Variants in SPOCK1 observed in about 807,000 individuals in gnomAD.
The protein encoded by SPOCK1 is testican-1.
SPOCK1 carries 23 observed loss-of-function variants against 55.3 expected under a neutral mutation model. The ratio of observed to expected loss-of-function variants is 0.42; its 90% CI spans 0.30 to 0.59. SPOCK1 has a LOEUF of 0.59. Ranked by LOEUF, SPOCK1 falls within the 20% of genes least tolerant of loss-of-function variation. SPOCK1 has a pLI of 0.22. For missense variants in SPOCK1, 499 were observed against 552.5 expected (o/e 0.90, Z 0.97); for synonymous variants, 226 against 221.0 (o/e 1.02, Z -0.20).
intron 2 of SPOCK1, among the ~76,000 whole-genome samples, chr5:137,351,208 C>A (rs1422579191): frequency 6.6e-6 from 1 of 152,176 alleles, no homozygotes; most frequent in Non-Finnish European, 1.5e-5. Context: ...TGCACTGGAT[C>A]CCCACCTCCC....
chr5:137,040,856 T>G (rs963407478), intron 6 of SPOCK1, among the ~76,000 whole-genome samples: 1 of 152,200 alleles, frequency 6.6e-6, no homozygotes, highest in Admixed American at 6.5e-5. Flanking sequence ...AACCATCTGC[T>G]GAACTCACTG....
intron 2 of SPOCK1, among the ~76,000 whole-genome samples, chr5:137,388,401 G>T (rs998830894): frequency 6.6e-6 from 1 of 151,996 alleles, no homozygotes; most frequent in African/African-American, 2.4e-5. Context: ...GGTATGTGGC[G>T]GGAGGGAGGG....
chr5:137,379,984 A>G (rs930057587), intron 2 of SPOCK1, among the ~76,000 whole-genome samples: 4 of 152,168 alleles, frequency 2.6e-5, no homozygotes, highest in Non-Finnish European at 5.9e-5. Flanking sequence ...CTTAGTGAGT[A>G]AGAATTAGAA....
At chr5:137,253,720 T>C (rs1354732204) in intron 3 of SPOCK1, among the ~76,000 whole-genome samples, 1 of 152,238 alleles carries the variant, frequency 6.6e-6, no homozygotes, top group African/African-American at 2.4e-5. Flanking sequence ...AATGCCATAC[T>C]TGGATTGAGC....
rs556399327 is a variant in SPOCK1 at position 137,123,161 on chromosome 5, C to T, written c.348-10600G>A. 1.2e-4 allele frequency among the ~76,000 whole-genome samples: 19 copies of T among 152,212 alleles called. 2 individuals carry two copies. The highest frequency in any genetic ancestry group is 1.1e-3 in the Admixed American group (17 of 15,282). On this transcript the variant is annotated intron_variant, in intron 4 of 10. Coordinates refer to ENST00000394945, the MANE Select transcript of SPOCK1 (RefSeq NM_004598.4). ...CAGCCAGATCCGCACCATTACTTAT[C>T]CCCTGCTCAAGAAGTTTCTTCACAG... is the stretch of plus-strand genomic sequence containing the variant.
rs1036891359 is a variant in SPOCK1, at chr5:137,050,614, G to A, written c.589+17101C>T. ...ATCACCCGTCTTCTGCGTCGCTCAC[G>A]CTGGGAGCTGTAGACCGGAGCTGTT... On this transcript the variant is annotated intron_variant, in intron 6 of 10. Coordinates refer to ENST00000394945, the MANE Select transcript of SPOCK1 (RefSeq NM_004598.4). 2.6e-5 allele frequency among the ~76,000 whole-genome samples: 4 copies of A among 152,054 alleles called. 1 individual carries two copies. The highest frequency in any genetic ancestry group is 5.9e-5 in the Non-Finnish European group (4 of 68,012).
At chr5:137,160,624 T>TA (rs1561631839) in intron 3 of SPOCK1, among the ~76,000 whole-genome samples, 2 of 69,340 alleles carry the variant, frequency 2.9e-5, no homozygotes, top group African/African-American at 1.3e-4. Context: ...AATATATATT[T>TA]TATATAATAT....
intron 2 of SPOCK1, among the ~76,000 whole-genome samples, chr5:137,280,886 C>A (rs1405899111): frequency 6.6e-6 from 1 of 152,182 alleles, no homozygotes; most frequent in Non-Finnish European, 1.5e-5. Context: ...CGCTCAGAGG[C>A]CTGCAAAGGA....
At chr5:137,117,937 AATG>A (rs1188154500) in intron 4 of SPOCK1, among the ~76,000 whole-genome samples, 2 of 152,242 alleles carry the variant, frequency 1.3e-5, no homozygotes, top group African/African-American at 4.8e-5. Context: ...ATGCTGAAAT[AATG>A]TTTTTCTATA....
At chr5:137,459,183 C>T (rs1049362972) in intron 2 of SPOCK1, among the ~76,000 whole-genome samples, 1 of 152,038 alleles carries the variant, frequency 6.6e-6, no homozygotes, top group Non-Finnish European at 1.5e-5. Flanking sequence ...TAGTCTTCTG[C>T]GAGCTAAAAA....
intron 3 of SPOCK1, among the ~76,000 whole-genome samples, chr5:137,169,199 G>A (rs962829611): frequency 6.6e-6 from 1 of 151,970 alleles, no homozygotes; most frequent in Non-Finnish European, 1.5e-5. Flanking sequence ...TGTTGTGAGG[G>A]GTTGGGGGGA....
chr5:137,032,443 C>T (rs1279561800), intron 6 of SPOCK1, among the ~76,000 whole-genome samples: 9 of 152,088 alleles, frequency 5.9e-5, no homozygotes, highest in South Asian at 2.1e-4. Flanking sequence ...TAATTTGGGG[C>T]TGGGGAACAG....
intron 3 of SPOCK1, among the ~76,000 whole-genome samples, chr5:137,182,883 G>A (rs147685598): frequency 6.6e-6 from 1 of 152,248 alleles, no homozygotes; most frequent in East Asian, 1.9e-4. Flanking sequence ...TCAGTTCCAG[G>A]TCACCAATCT....
At position 137,356,923 on chromosome 5, in the gene SPOCK1, C is replaced by T. The variant is rs1403932742; in HGVS notation, c.187-89868G>A. On this transcript the variant is annotated intron_variant, in intron 2 of 10. Transcript: ENST00000394945. ...CAGCTACTTACTATGTTTCCTCTCC[C>T]AGCCCCAGATCCTAGAGCCAAGCTC... Among the ~76,000 whole-genome samples the T allele has an allele frequency of 2.8e-5, 4 of 142,548 alleles. No homozygotes were observed. In the East Asian group the frequency reaches 8.5e-4, roughly 30 times the overall value. 93.5% of individuals were successfully genotyped at this position (142,548 alleles called of 152,430 possible).
chr5:137,359,313 C>T (rs1048190904), intron 2 of SPOCK1, among the ~76,000 whole-genome samples: 1 of 152,166 alleles, frequency 6.6e-6, no homozygotes, highest in African/African-American at 2.4e-5. Context: ...CAATTGCCCA[C>T]GGGAAGGTGA....
intron 3 of SPOCK1, among the ~76,000 whole-genome samples, chr5:137,151,736 T>G (rs1411640668): frequency 1.3e-5 from 2 of 152,156 alleles, no homozygotes; most frequent in East Asian, 3.9e-4. Flanking sequence ...GTCCTAGAGT[T>G]TTTCAGAGAA....
At position 137,498,475 on chromosome 5, in the gene SPOCK1, G is replaced by A. The variant is rs143458987; in HGVS notation, c.84C>T (p.Ala28=). The A allele has an allele frequency of 6.2e-7, 1 of 1,603,166 alleles. No individual in the cohort carries two copies. Among genetic ancestry groups the A allele is most frequent in the East Asian group, 2.3e-5 (1 of 44,330 alleles). The change falls in exon 2 of 11, where the codon GCC becomes GCT. Residue 28 remains alanine (A), a synonymous_variant. Coordinates refer to ENST00000394945, the MANE Select transcript of SPOCK1 (RefSeq NM_004598.4). The part of the protein sequence containing the change: ...QVESRHLDAL[A]GGAGPNHGNF... ...TGCCGTGGTTGGGGCCCGCGCCTCC[G>A]GCGAGCGCGTCCAGGTGCCGGCTCT...
intron 3 of SPOCK1, among the ~76,000 whole-genome samples, chr5:137,207,734 T>C (rs1350709042): frequency 6.6e-6 from 1 of 152,100 alleles, no homozygotes; most frequent in African/African-American, 2.4e-5. Context: ...TCTGGGGTGC[T>C]GGAGGGTTAA....
chr5:137,004,048 C>CA (rs1751197258), intron 6 of SPOCK1, among the ~76,000 whole-genome samples: 1 of 152,072 alleles, frequency 6.6e-6, no homozygotes, highest in Non-Finnish European at 1.5e-5. Context: ...TGGATGGTGC[C>CA]ATGGGGATAT....
Sources: allele counts gnomAD v4.1 joint callset (sites outside exome capture counted in the v4.1 genomes callset), GRCh38; gene constraint gnomAD v4.1.1; transcripts MANE v1.5; gene names NCBI Gene and HGNC (gene_info 2026-07-23, HGNC 2026-07-21).